The following NAA60 variants were observed in gnomAD, a reference collection of about 807,000 sequenced individuals.
The protein encoded by NAA60 is N-alpha-acetyltransferase 60.
Under a neutral mutation model 26.1 loss-of-function variants are expected in NAA60, and 8 were observed. The observed-to-expected ratio is 0.31, with a 90% CI of 0.18 to 0.55. The LOEUF (loss-of-function observed/expected upper bound fraction) is 0.55, where lower values mean the gene tolerates loss of function less well. Ranked by LOEUF, NAA60 falls within the 20% of genes least tolerant of loss-of-function variation. NAA60 has a pLI of 0.93. For missense variants in NAA60, 290 were observed against 311.3 expected, an observed-to-expected ratio of 0.93 and a Z score of 0.51; for synonymous variants, 131 against 122.5, an observed-to-expected ratio of 1.07 and a Z score of -0.46.
Position 3,485,524 on chromosome 16 carries a change from C to G in NAA60, c.*264C>G, listed in dbSNP as rs530492898. 2.2e-6 allele frequency: 1 copy of G among 455,594 alleles called. No homozygotes were observed. Among genetic ancestry groups the G allele is most frequent in the Non-Finnish European group, 4.4e-6 (1 of 226,386 alleles). The allele number at this position is 455,594 out of a possible 1,614,324, so 28.2% of individuals were successfully genotyped here. A position where few individuals can be genotyped will look rare whatever the true frequency, so the allele number is the denominator to read the frequency against. On this transcript the variant is annotated 3_prime_UTR_variant, in exon 8 of 8. Transcript: ENST00000407558. ...CTCTGCCTGCTGCCCTGGCCCTGCC[C>G]CCCTGCGCATGCACCGTCCCCAGGG...
intron 2 of NAA60, among the ~76,000 whole-genome samples, chr16:3,471,698 C>T (rs1010774039): frequency 6.6e-6 from 1 of 152,118 alleles, no homozygotes; most frequent in African/African-American, 2.4e-5. Context: ...ATCCTGCCCT[C>T]TCCGGTGAGA....
rs543854044 is a variant in NAA60 at position 3,485,975 on chromosome 16, G to A, written c.*715G>A. Reference sequence around the variant, plus strand: ...GCCCTGGGAGGTCACACTGCCCGTCGGACCTTGGCATGCTCCATTCAGCTG... The same window carrying A: ...GCCCTGGGAGGTCACACTGCCCGTCAGACCTTGGCATGCTCCATTCAGCTG... On this transcript the variant is annotated 3_prime_UTR_variant, in exon 8 of 8. Transcript: ENST00000407558. 7.5e-5 allele frequency: 22 copies of A among 293,382 alleles called. No homozygotes were observed. In the East Asian group the frequency reaches 7.8e-4, roughly 10 times the overall value. The allele number at this position is 293,382 out of a possible 1,614,324, so 18.2% of individuals were successfully genotyped here. A position where few individuals can be genotyped will look rare whatever the true frequency, so the allele number is the denominator to read the frequency against.
intron 2 of NAA60, among the ~76,000 whole-genome samples, chr16:3,474,177 G>A (rs550114183): frequency 6.6e-6 from 1 of 152,228 alleles, no homozygotes; most frequent in Non-Finnish European, 1.5e-5. Flanking sequence ...CACACCTGAC[G>A]TTGAACCAGG....
At chr16:3,460,509 A>G (rs1315633665) in intron 2 of NAA60, among the ~76,000 whole-genome samples, 3 of 152,158 alleles carry the variant, frequency 2.0e-5, no homozygotes, top group Middle Eastern at 3.2e-3. Context: ...GATTACAGTC[A>G]TGTGCCACCA....
chr16:3,449,490 A>C (rs1303043052), intron 2 of NAA60, among the ~76,000 whole-genome samples: 4 of 152,006 alleles, frequency 2.6e-5, no homozygotes, highest in African/African-American at 4.8e-5. Context: ...TGTACTCCAG[A>C]CTGGGCGACA....
intron 3 of NAA60, among the ~76,000 whole-genome samples, chr16:3,477,899 A>G (rs1031322390): frequency 7.2e-5 from 11 of 152,322 alleles, no homozygotes; most frequent in Admixed American, 3.3e-4. Context: ...CCCCGTCTCT[A>G]CTAAAAATAC....
intron 2 of NAA60, among the ~76,000 whole-genome samples, chr16:3,455,913 G>A (rs2034971387): frequency 6.6e-6 from 1 of 151,642 alleles, no homozygotes; most frequent in Non-Finnish European, 1.5e-5. Context: ...CACCATGTTG[G>A]CCAGGATGGT....
intron 2 of NAA60, chr16:3,458,093 C>A (rs1206588455): frequency 5.1e-6 from 5 of 985,316 alleles, no homozygotes; most frequent in Non-Finnish European, 6.0e-6. Flanking sequence ...TCGTTGCGGG[C>A]TCCGCGCGGT....
chr16:3,481,010 A>C (rs1056116563), intron 4 of NAA60, among the ~76,000 whole-genome samples: 1 of 152,142 alleles, frequency 6.6e-6, no homozygotes, highest in Admixed American at 6.5e-5. Flanking sequence ...TCTGTCTGGC[A>C]CAGCTTTTTT....
rs756008307 is a variant in NAA60, at chr16:3,476,277, T to G, written c.50T>G (p.Leu17Arg). The G allele has an allele frequency of 3.7e-6, 6 of 1,607,268 alleles. No individual in the cohort carries two copies. The highest frequency in any genetic ancestry group is 1.7e-5 in the Admixed American group (1 of 59,782). Reference protein sequence around the residue: ...SSALSEVSLRLLCHDDIDTVK... With the variant: ...SSALSEVSLRRLCHDDIDTVK... ...GCGCTCAGCGAGGTCAGCCTGCGCC[T>G]CCTCTGCCACGATGACATAGACACT... The change falls in exon 3 of 8, where the codon CTC (leucine) becomes CGC (arginine). Residue 17 changes from leucine to arginine, a missense_variant. Transcript: ENST00000407558.
Position 3,448,612 on chromosome 16 carries a change from T to C in NAA60, c.-7+72T>C, listed in dbSNP as rs1313686978. 4.6e-6 allele frequency: 6 copies of C among 1,299,358 alleles called. No individual in the cohort carries two copies. The East Asian group carries it at 1.5e-4, about 33-fold the overall frequency. The allele number at this position is 1,299,358 out of a possible 1,614,324, so 80.5% of individuals were successfully genotyped here. On this transcript the variant is annotated intron_variant, in intron 2 of 7. Coordinates refer to ENST00000407558, the MANE Select transcript of NAA60 (RefSeq NM_001083601.3). ...TCAGAGGAAGCCTACTTAAGTGAAATCCATTTTTGACCTGTCAAGTATTAA... is the reference window on the plus strand; with the variant it reads ...TCAGAGGAAGCCTACTTAAGTGAAACCCATTTTTGACCTGTCAAGTATTAA...
chr16:3,460,293 C>T (rs773510576), intron 2 of NAA60, among the ~76,000 whole-genome samples: 1 of 152,224 alleles, frequency 6.6e-6, no homozygotes, highest in Non-Finnish European at 1.5e-5. Context: ...TCCATTATCT[C>T]CCCTATCCAT....
At chr16:3,468,095 A>T (rs1477671441) in intron 2 of NAA60, 1 of 152,186 alleles carries the variant, frequency 6.6e-6, no homozygotes, top group Non-Finnish European at 1.5e-5. Flanking sequence ...GCTGAAGTGA[A>T]GTTACAAAGT....
intron 2 of NAA60, chr16:3,458,124 G>A: frequency 1.0e-6 from 1 of 985,212 alleles, no homozygotes; most frequent in African/African-American, 1.7e-5. Context: ...GGCTCCCTTC[G>A]CCTCCAGGAT....
chr16:3,482,640 C>G, intron 5 of NAA60, 42 bp downstream of exon 5: 1 of 1,420,596 alleles, frequency 7.0e-7, no homozygotes, highest in Admixed American at 2.0e-5. Flanking sequence ...CACCCCACCC[C>G]CTTGCCCTAC....
At chr16:3,478,265 C>T (rs1282571524) in intron 3 of NAA60, among the ~76,000 whole-genome samples, 1 of 152,024 alleles carries the variant, frequency 6.6e-6, no homozygotes, top group Non-Finnish European at 1.5e-5. Flanking sequence ...GTTCTTCAGC[C>T]CAGCAATTTA....
intron 3 of NAA60, 105 bp downstream of exon 3, chr16:3,476,442 A>G (rs1376020743): frequency 2.1e-6 from 2 of 933,338 alleles, no homozygotes; most frequent in Non-Finnish European, 3.3e-6. Flanking sequence ...CGTGCTGCAA[A>G]GATGGGAATG....
intron 2 of NAA60, among the ~76,000 whole-genome samples, chr16:3,469,703 C>T (rs1340555820): frequency 6.6e-6 from 1 of 152,358 alleles, no homozygotes; most frequent in Middle Eastern, 3.4e-3. Context: ...CCTTGCTGCT[C>T]CCTGTTATCA....
rs920808154 is a variant in NAA60, at chr16:3,485,699, C to T, written c.*439C>T. On this transcript the variant is annotated 3_prime_UTR_variant, in exon 8 of 8. Coordinates refer to ENST00000407558, the MANE Select transcript of NAA60 (RefSeq NM_001083601.3). ...CGCAAGTATTATGGACACACTTGAC[C>T]GTAAAGGCACAGGAGCCTCGGAACA... is the stretch of plus-strand genomic sequence containing the variant. 68 of 456,526 alleles carry T rather than the reference C, an allele frequency of 1.5e-4. No homozygotes were observed. The Middle Eastern group carries it at 2.3e-3, about 15-fold the overall frequency. The allele number at this position is 456,526 out of a possible 1,614,324, so 28.3% of individuals were successfully genotyped here.
Sources: gnomAD v4.1 joint callset for allele counts (sites outside exome capture counted in the v4.1 genomes callset) on GRCh38, gnomAD v4.1.1 for gene constraint, MANE v1.5 for transcripts, NCBI Gene and HGNC (gene_info 2026-07-23, HGNC 2026-07-21) for gene names.